STARD9: variants seen among roughly 807,000 people sequenced by gnomAD.
STARD9 encodes the protein StAR related lipid transfer domain containing 9.
In STARD9, 346 loss-of-function variants were observed where a neutral mutation model predicts 399.8. The observed-to-expected ratio is 0.87, with a 90% confidence interval of 0.79 to 0.95. STARD9 has a LOEUF of 0.95. Ranked by LOEUF, STARD9 falls within the 40% of genes least tolerant of loss-of-function variation. The probability of loss-of-function intolerance (pLI) is 0.00; values close to 1 mark genes in which losing one functional copy is unlikely to be tolerated. For missense variants in STARD9, 5,832 were observed against 5,667.5 expected (o/e 1.03, Z -0.93); for synonymous variants, 2,203 against 2,143.5 (o/e 1.03, Z -0.77).
At chr15:42,597,998 ATATGTGTGTGTGTG>A (rs1249521596) in intron 3 of STARD9, among the ~76,000 whole-genome samples, 4 of 112,776 alleles carry the variant, frequency 3.5e-5, no homozygotes, top group East Asian at 5.5e-4. Context: ...TTGTATATAT[ATATGTGTGTGTGTG>A]TGTGTGTGTG....
At position 42,686,237 on chromosome 15, in the gene STARD9, A is replaced by C. The variant is rs759558730; in HGVS notation, c.4659A>C (p.Arg1553Ser). 2.2e-4 allele frequency: 333 copies of C among 1,537,744 alleles called. No individual in the cohort carries two copies. The highest frequency in any genetic ancestry group is 2.8e-4 in the Non-Finnish European group (324 of 1,147,024). The stretch of plus-strand genomic sequence containing the variant: ...ACAACTTTCCAGTCCATCTGTCCAG[A>C]ATCAGGCGTTTGAGGGCAGAGAAAG... ...NLNNFPVHLS[R>S]IRRLRAEKEQ... Residue 1553 changes from arginine to serine, a missense_variant, in exon 23 of 33, where the codon AGA becomes AGC. By Grantham distance (110) the Arg-to-Ser change is moderately radical. Around this residue, in one of 2 missense-constraint regions of STARD9, gnomAD observed 5,828 missense variants for 5,651.1 expected, o/e 1.03. Transcript: ENST00000290607.
chr15:42,663,218 T>C (rs997898383), intron 11 of STARD9, 63 bp from the exon 12 acceptor site: 2 of 1,391,776 alleles, frequency 1.4e-6, no homozygotes, highest in African/African-American at 2.9e-5. Context: ...AACCATTGTT[T>C]TGTTTTAATA....
chr15:42,676,067 T>C, intron 20 of STARD9, 92 bp downstream of exon 20: 1 of 577,888 alleles, frequency 1.7e-6, no homozygotes, highest in Non-Finnish European at 3.1e-6. Flanking sequence ...GGGGGGTGAT[T>C]AATGTAGCAG....
At chr15:42,698,339 C>T (rs1302152627) in intron 26 of STARD9, among the ~76,000 whole-genome samples, 3 of 152,168 alleles carry the variant, frequency 2.0e-5, no homozygotes, top group Admixed American at 1.3e-4. Context: ...CTAATTTATA[C>T]TCCCACCAAT....
chr15:42,579,623 C>T (rs114426631), intron 1 of STARD9, among the ~76,000 whole-genome samples: 1,663 of 151,974 alleles, frequency 0.011, 40 homozygotes, highest in African/African-American at 0.039. Context: ...ATTCAGAGTA[C>T]GATAGGAAAG....
chr15:42,699,187 C>A lies in STARD9; in HGVS notation c.13284+3307C>A, dbSNP rs147097953. On this transcript the variant is annotated intron_variant, in intron 26 of 32. Coordinates refer to ENST00000290607, the MANE Select transcript of STARD9 (RefSeq NM_020759.3). ...ATTTCTTTGTGGTGATAACATAAAA[C>A]CCTTTCTAGCCAACTTGAAATATAC... is the stretch of plus-strand genomic sequence containing the variant. 2.4e-4 allele frequency among the ~76,000 whole-genome samples: 37 copies of A among 152,156 alleles called. 1 individual carries two copies. In the East Asian group the frequency reaches 6.4e-3, roughly 26 times the overall value.
rs562253884 is a variant in STARD9 at position 42,638,031 on chromosome 15, C to G, written c.390C>G (p.Leu130=). Residue 130 remains leucine, a synonymous_variant, in exon 6 of 33, where the codon CTC becomes CTG. Transcript: ENST00000290607. ...VGLTPRICEG[L]FVREKDCASL... is the part of the protein sequence containing the mutation. Reference sequence around the variant, plus strand: ...CAACCCTCTGGTTTGTGCAGGGTCTCTTCGTCAGGGAGAAAGACTGTGCCT... The same window carrying G: ...CAACCCTCTGGTTTGTGCAGGGTCTGTTCGTCAGGGAGAAAGACTGTGCCT... 4.6e-5 allele frequency: 71 copies of G among 1,537,392 alleles called. No individual in the cohort carries two copies. In the South Asian group the frequency reaches 8.2e-4, roughly 18 times the overall value.
At chr15:42,598,024 G>GTGTGTGTC (rs2058547805) in intron 3 of STARD9, among the ~76,000 whole-genome samples, 1 of 149,664 alleles carries the variant, frequency 6.7e-6, no homozygotes, top group Non-Finnish European at 1.5e-5. Flanking sequence ...GTGTGTGTGT[G>GTGTGTGTC]TGTGTGTGTG....
At chr15:42,703,216 C>G (rs764086670) in intron 26 of STARD9, among the ~76,000 whole-genome samples, 3 of 152,052 alleles carry the variant, frequency 2.0e-5, no homozygotes, top group Non-Finnish European at 4.4e-5. Context: ...AACTTTTTAC[C>G]TTTCCATACC....
Position 42,689,565 on chromosome 15 carries a change from G to T in STARD9, c.7987G>T (p.Val2663Leu). Residue 2663 changes from valine (V) to leucine (L), a missense_variant, in exon 23 of 33, where the codon GTG (valine) becomes TTG (leucine). Transcript: ENST00000290607. ...TETDREPWDPVQAFSHAAPAQ... is the reference protein window; with the variant it reads ...TETDREPWDPLQAFSHAAPAQ... ...AACTGACAGAGAGCCATGGGATCCT[G>T]TGCAGGCTTTCTCCCATGCTGCTCC... is the stretch of plus-strand genomic sequence containing the variant. 2 of 1,537,308 alleles carry T rather than the reference G, an allele frequency of 1.3e-6. No individual in the cohort carries two copies. The highest frequency in any genetic ancestry group is 2.4e-5 in the East Asian group (1 of 40,922).
rs2083791292 is a variant in STARD9 at position 42,719,884 on chromosome 15, G to C, written c.*310G>C. 3.7e-6 allele frequency: 1 copy of C among 268,440 alleles called. No homozygotes were observed. The highest frequency in any genetic ancestry group is 7.1e-6 in the Non-Finnish European group (1 of 140,450). The allele number at this position is 268,440 out of a possible 1,614,324, so 16.6% of individuals were successfully genotyped here. ...TGTTTCTGGGACTCTGCGGCAGACA[G>C]GACACTTAAGGACCAGGACTGGGCA... is the stretch of plus-strand genomic sequence containing the variant. On this transcript the variant is annotated 3_prime_UTR_variant, in exon 33 of 33. Coordinates refer to ENST00000290607, the MANE Select transcript of STARD9 (RefSeq NM_020759.3).
Position 42,640,818 on chromosome 15 carries a change from C to CAAA in STARD9, c.559+2025_559+2027dup, listed in dbSNP as rs34006967. 9.5e-3 allele frequency among the ~76,000 whole-genome samples: 786 copies of CAAA among 82,326 alleles called. 37 individuals carry two copies. The highest frequency in any genetic ancestry group is 0.017 in the East Asian group (48 of 2,904). The allele number at this position is 82,326 out of a possible 152,430, so 54.0% of individuals were successfully genotyped here. A position where few individuals can be genotyped will look rare whatever the true frequency, so the allele number is the denominator to read the frequency against. ...CTGGCAACAGAGCAAGACTCCGTCTCAAAAAAAAAAAAAAAAAAAAAGTCT... is the reference window on the plus strand; with the variant it reads ...CTGGCAACAGAGCAAGACTCCGTCTCAAAAAAAAAAAAAAAAAAAAAAAAGTCT... On this transcript the variant is annotated intron_variant, in intron 7 of 32. Coordinates refer to ENST00000290607, the MANE Select transcript of STARD9 (RefSeq NM_020759.3).
chr15:42,699,340 C>T (rs1342855774), intron 26 of STARD9, among the ~76,000 whole-genome samples: 1 of 151,012 alleles, frequency 6.6e-6, no homozygotes, highest in Non-Finnish European at 1.5e-5. Context: ...TCCCCAGCCT[C>T]TGGTAACCAC....
In STARD9 at chr15:42,695,180, G is replaced by C. The variant is rs1179208504; in HGVS notation, c.13003G>C (p.Asp4335His). The change falls in exon 25 of 33, where the codon GAC (aspartate) becomes CAC (histidine). Residue 4335 changes from aspartate (D) to histidine (H), a missense_variant. Coordinates refer to ENST00000290607, the MANE Select transcript of STARD9 (RefSeq NM_020759.3). ...GTCAAGGTCAGCTCACACACCCTCT[G>C]ACATAGAGTTGATGCTGCAAGACTA... ...SVSRSAHTPS[D>H]IELMLQDYQQ... 7 of 1,536,892 alleles carry C rather than the reference G, an allele frequency of 4.6e-6. No individual in the cohort carries two copies. Among genetic ancestry groups the C allele is most frequent in the Non-Finnish European group, 6.1e-6 (7 of 1,146,820 alleles).
chr15:42,685,560 A>C lies in STARD9; in HGVS notation c.3982A>C (p.Arg1328=). Residue 1328 remains arginine, a synonymous_variant, in exon 23 of 33, where the codon AGA becomes CGA. Coordinates refer to ENST00000290607, the MANE Select transcript of STARD9 (RefSeq NM_020759.3). ...CTCTCTCCAAGGCATGCAGCTTTCA[A>C]GAGAGAGCCCACTGATGTCCATGGA... The part of the protein sequence containing the change: ...ADSLQGMQLS[R]ESPLMSMDSW... 1 of 1,537,668 alleles carries C rather than the reference A, an allele frequency of 6.5e-7. No individual in the cohort carries two copies. The highest frequency in any genetic ancestry group is 1.2e-5 in the South Asian group (1 of 84,060).
rs185150927 is a variant in STARD9, at chr15:42,714,249, T to C, written c.13285-2428T>C. ...GGCTAATTTTTTTGTATTCTTTTAGTGGAGACAGGGGTTTCACCATGTTAG... is the reference window on the plus strand; with the variant it reads ...GGCTAATTTTTTTGTATTCTTTTAGCGGAGACAGGGGTTTCACCATGTTAG... On this transcript the variant is annotated intron_variant, in intron 26 of 32. Coordinates refer to ENST00000290607, the MANE Select transcript of STARD9 (RefSeq NM_020759.3). Among the ~76,000 whole-genome samples the C allele has an allele frequency of 9.1e-3, 1,385 of 151,968 alleles. 16 individuals are homozygous for C. The highest frequency in any genetic ancestry group is 0.032 in the African/African-American group (1,319 of 41,440).
chr15:42,684,742 T>C lies in STARD9; in HGVS notation c.3164T>C (p.Ile1055Thr), dbSNP rs2060509021. 2.0e-6 allele frequency: 3 copies of C among 1,537,178 alleles called. No individual in the cohort carries two copies. The highest frequency in any genetic ancestry group is 1.2e-5 in the South Asian group (1 of 84,060). Residue 1055 changes from isoleucine to threonine, a missense_variant, in exon 23 of 33, where the codon ATT (isoleucine) becomes ACT (threonine). By Grantham distance (89) the Ile-to-Thr change is moderately conservative. Transcript: ENST00000290607. The part of the protein sequence containing the change: ...QRVLATRVRN[I>T]TKKSSHLPLG... ...GTTCTGGCAACTAGGGTCAGAAATA[T>C]TACCAAAAAGTCCTCTCACTTGCCT... is the stretch of plus-strand genomic sequence containing the variant.
At chr15:42,607,179 T>G (rs1191166325) in intron 3 of STARD9, among the ~76,000 whole-genome samples, 1 of 142,660 alleles carries the variant, frequency 7.0e-6, no homozygotes, top group Non-Finnish European at 1.5e-5. Flanking sequence ...AGCACAACCC[T>G]GCATTTTTCT....
chr15:42,714,362 G>A (rs765502321), intron 26 of STARD9, among the ~76,000 whole-genome samples: 2 of 152,112 alleles, frequency 1.3e-5, no homozygotes, highest in Non-Finnish European at 2.9e-5. Flanking sequence ...CATCCCGCCC[G>A]GCCTGTACTA....
Sources: gnomAD v4.1 joint callset for allele counts (sites outside exome capture counted in the v4.1 genomes callset) on GRCh38, gnomAD v4.1.1 for gene constraint, gnomAD v4.1.1 regional missense constraint, MANE v1.5 for transcripts, NCBI Gene and HGNC (gene_info 2026-07-23, HGNC 2026-07-21) for gene names.